Variants in SLC4A10 observed in about 807,000 individuals in gnomAD.
The protein encoded by SLC4A10 is sodium-driven chloride bicarbonate exchanger.
A neutral mutation model predicts 137.7 loss-of-function variants in SLC4A10; 42 were observed. The observed-to-expected ratio is 0.30, with a 90% confidence interval of 0.24 to 0.39. The LOEUF (loss-of-function observed/expected upper bound fraction) is 0.39. Among genes scored for constraint, SLC4A10 ranks in the 10% least tolerant of loss-of-function variants. SLC4A10 has a pLI of 1.00. For missense variants in SLC4A10, 925 were observed against 1,355.0 expected (o/e 0.68, Z 4.98); for synonymous variants, 474 against 464.1 (o/e 1.02, Z -0.27).
chr2:161,819,255 G>A (rs566199938), intron 3 of SLC4A10, among the ~76,000 whole-genome samples: 1 of 152,198 alleles, frequency 6.6e-6, no homozygotes, highest in African/African-American at 2.4e-5. Flanking sequence ...ATATGTCATG[G>A]TTGGGCTGTG....
chr2:161,897,749 G>A (rs1209038693), intron 11 of SLC4A10, among the ~76,000 whole-genome samples: 1 of 152,082 alleles, frequency 6.6e-6, no homozygotes, highest in Non-Finnish European at 1.5e-5. Context: ...TTCTGTACTT[G>A]TAGAATACAT....
At chr2:161,787,054 G>A (rs2053706880) in intron 2 of SLC4A10, among the ~76,000 whole-genome samples, 1 of 151,960 alleles carries the variant, frequency 6.6e-6, no homozygotes, top group African/African-American at 2.4e-5. Context: ...ATGACAAAGA[G>A]TATTGTCCTT....
intron 2 of SLC4A10, among the ~76,000 whole-genome samples, chr2:161,794,563 A>G (rs2054552473): frequency 1.3e-5 from 2 of 152,122 alleles, no homozygotes. Flanking sequence ...AAGAAGATGG[A>G]TATATGAAAA....
chr2:161,664,607 T>C (rs1274131474), intron 1 of SLC4A10, among the ~76,000 whole-genome samples: 2 of 151,846 alleles, frequency 1.3e-5, no homozygotes, highest in Non-Finnish European at 3.0e-5. Context: ...TCCCATAATA[T>C]TGCTCTCTTT....
chr2:161,905,906 G>C lies in SLC4A10; in HGVS notation c.1997+19G>C, dbSNP rs1444796274. The C allele has an allele frequency of 1.9e-6, 3 of 1,572,820 alleles. No individual in the cohort carries two copies. Among genetic ancestry groups the C allele is most frequent in the Non-Finnish European group, 2.6e-6 (3 of 1,160,348 alleles). On this transcript the variant is annotated intron_variant, in intron 15 of 26. Transcript: ENST00000446997. ...AATACTCGTAAGTACCATTTCCCCT[G>C]CTGGCCTTGGGGCTTTTCTTTTGAC...
At chr2:161,674,006 A>C (rs938086405) in intron 1 of SLC4A10, among the ~76,000 whole-genome samples, 5 of 22,914 alleles carry the variant, frequency 2.2e-4, no homozygotes, top group South Asian at 1.1e-3. Context: ...AAACAAAATG[A>C]AGTTCATTAA....
intron 1 of SLC4A10, among the ~76,000 whole-genome samples, chr2:161,672,570 T>C (rs534164643): frequency 6.6e-5 from 10 of 152,208 alleles, no homozygotes; most frequent in African/African-American, 2.2e-4. Flanking sequence ...TATATCTTTG[T>C]CTTACTGATT....
chr2:161,805,373 C>A (rs1280036514), intron 3 of SLC4A10, among the ~76,000 whole-genome samples: 1 of 152,164 alleles, frequency 6.6e-6, no homozygotes, highest in South Asian at 2.1e-4. Flanking sequence ...CATTTCAAAA[C>A]CAATCGTGCC....
At chr2:161,895,961 T>C (rs1293159033) in intron 11 of SLC4A10, among the ~76,000 whole-genome samples, 1 of 151,002 alleles carries the variant, frequency 6.6e-6, no homozygotes, top group Non-Finnish European at 1.5e-5. Context: ...CCATTGCTTT[T>C]GGTGTTTTAG....
intron 14 of SLC4A10, 135 bp downstream of exon 14, chr2:161,905,044 C>A: frequency 1.2e-6 from 1 of 859,216 alleles, no homozygotes; most frequent in Non-Finnish European, 1.7e-6. Context: ...ATCATTTTTG[C>A]TTCATCATGG....
chr2:161,730,491 A>G (rs2046705583), intron 1 of SLC4A10, among the ~76,000 whole-genome samples: 1 of 152,168 alleles, frequency 6.6e-6, no homozygotes, highest in South Asian at 2.1e-4. Context: ...ATCAACCATC[A>G]TCATTATCTT....
intron 1 of SLC4A10, among the ~76,000 whole-genome samples, chr2:161,629,735 A>G (rs1276927423): frequency 6.6e-6 from 1 of 151,692 alleles, no homozygotes; most frequent in Non-Finnish European, 1.5e-5. Context: ...CCTGGTAACC[A>G]CTGACTTTTT....
At chr2:161,752,692 T>A (rs1162951227) in intron 1 of SLC4A10, among the ~76,000 whole-genome samples, 2 of 152,282 alleles carry the variant, frequency 1.3e-5, no homozygotes, top group South Asian at 2.1e-4. Context: ...GAGGGCATTA[T>A]GTTAAGTGAA....
At chr2:161,630,999 T>C (rs1332652050) in intron 1 of SLC4A10, among the ~76,000 whole-genome samples, 1 of 151,782 alleles carries the variant, frequency 6.6e-6, no homozygotes. Context: ...CAATAAAATA[T>C]GAAAGTACTC....
intron 15 of SLC4A10, among the ~76,000 whole-genome samples, chr2:161,913,632 G>T (rs1686386121): frequency 6.6e-6 from 1 of 152,164 alleles, no homozygotes; most frequent in African/African-American, 2.4e-5. Context: ...TTCTGGAGCA[G>T]ATAAGATCTA....
At chr2:161,927,239 T>A (rs1689335589) in intron 15 of SLC4A10, among the ~76,000 whole-genome samples, 1 of 152,222 alleles carries the variant, frequency 6.6e-6, no homozygotes, top group African/African-American at 2.4e-5. Context: ...CCCATATTTC[T>A]TGGAGGCTTT....
intron 3 of SLC4A10, among the ~76,000 whole-genome samples, chr2:161,819,557 C>T (rs1243599637): frequency 6.6e-6 from 1 of 151,256 alleles, no homozygotes; most frequent in Non-Finnish European, 1.5e-5. Context: ...TGCTGTAGCA[C>T]AGTCTTGGCT....
intron 1 of SLC4A10, among the ~76,000 whole-genome samples, chr2:161,770,405 A>G (rs2051440473): frequency 6.6e-6 from 1 of 151,908 alleles, no homozygotes; most frequent in Admixed American, 6.6e-5. Flanking sequence ...AGAAGGTTTA[A>G]TGCACATGAT....
intron 3 of SLC4A10, among the ~76,000 whole-genome samples, chr2:161,839,141 A>G (rs2059009929): frequency 6.6e-6 from 1 of 152,252 alleles, no homozygotes; most frequent in African/African-American, 2.4e-5. Context: ...AAAAAGAATG[A>G]ACTACTAATA....
Sources: gnomAD v4.1 joint callset for allele counts (sites outside exome capture counted in the v4.1 genomes callset) on GRCh38, gnomAD v4.1.1 for gene constraint, MANE v1.5 for transcripts, NCBI Gene and HGNC (gene_info 2026-07-23, HGNC 2026-07-21) for gene names.